CYP2C18: variants seen among roughly 807,000 people sequenced by gnomAD.
CYP2C18 encodes cytochrome P450 2C18.
In CYP2C18, 38 loss-of-function variants were observed where a neutral mutation model predicts 41.3. The ratio of observed to expected loss-of-function variants is 0.92; its 90% CI spans 0.71 to 1.21. The LOEUF (loss-of-function observed/expected upper bound fraction) is 1.21, where lower values mean the gene tolerates loss of function less well. Among genes scored for constraint, CYP2C18 ranks in the 50% most tolerant of loss-of-function variants. The pLI is 0.00. For synonymous variants in CYP2C18, 236 were observed against 210.0 expected (o/e 1.12, Z -1.07); for missense variants, 635 against 591.4 (o/e 1.07, Z -0.77).
At chr10:94,688,068 A>G in intron 2 of CYP2C18, 57 bp from the exon 3 acceptor site, 1 of 1,610,504 alleles carries the variant, frequency 6.2e-7, no homozygotes, top group Non-Finnish European at 8.5e-7. Context: ...GCCGAGTGTC[A>G]GCTCTCTTGT....
intron 6 of CYP2C18, among the ~76,000 whole-genome samples, chr10:94,721,048 G>A (rs185283706): frequency 6.6e-6 from 1 of 151,650 alleles, no homozygotes; most frequent in East Asian, 1.9e-4. Context: ...GAGTCTCACT[G>A]TGTCACCCAG....
intron 1 of CYP2C18, among the ~76,000 whole-genome samples, chr10:94,686,089 A>G (rs1026650232): frequency 6.6e-6 from 1 of 151,980 alleles, no homozygotes; most frequent in African/African-American, 2.4e-5. Context: ...TGTAGTTTTC[A>G]GTATATAGAT....
chr10:94,693,632 T>C (rs1847057394), intron 3 of CYP2C18, among the ~76,000 whole-genome samples: 1 of 152,124 alleles, frequency 6.6e-6, no homozygotes, highest in African/African-American at 2.4e-5. Flanking sequence ...TAATCCAAAA[T>C]TATCCCCTGC....
intron 3 of CYP2C18, among the ~76,000 whole-genome samples, chr10:94,693,219 C>T (rs1847045288): frequency 6.6e-6 from 1 of 152,100 alleles, no homozygotes; most frequent in Non-Finnish European, 1.5e-5. Context: ...GTGATTGGAT[C>T]ATGGGGGTGG....
At chr10:94,721,229 A>G (rs968820361) in intron 6 of CYP2C18, among the ~76,000 whole-genome samples, 1 of 151,906 alleles carries the variant, frequency 6.6e-6, no homozygotes, top group African/African-American at 2.4e-5. Context: ...TGGTCAGGCT[A>G]GGCTCAAACT....
chr10:94,728,088 A>G (rs1271451934), intron 7 of CYP2C18, among the ~76,000 whole-genome samples: 1 of 152,038 alleles, frequency 6.6e-6, no homozygotes, highest in Non-Finnish European at 1.5e-5. Context: ...CAAGCTTTTA[A>G]TTTGGTTATC....
chr10:94,724,446 G>T lies in CYP2C18; in HGVS notation c.1062G>T (p.Glu354Asp). 6.2e-7 allele frequency: 1 copy of T among 1,613,598 alleles called. No individual in the cohort carries two copies. Among genetic ancestry groups the T allele is most frequent in the Non-Finnish European group, 8.5e-7 (1 of 1,179,730 alleles). ...HMPYTDAVVH[E>D]IQRYIDLLPT... ...CCTACACAGATGCTGTGGTGCACGA[G>T]ATCCAGAGATACATTGACCTCCTCC... Residue 354 changes from glutamate to aspartate, a missense_variant, in exon 7 of 9, where the codon GAG (glutamate) becomes GAT (aspartate). By Grantham distance (45) the Glu-to-Asp change is conservative (BLOSUM62 2). Transcript: ENST00000285979.
At chr10:94,715,711 A>C (rs188954826) in intron 5 of CYP2C18, among the ~76,000 whole-genome samples, 21 of 152,260 alleles carry the variant, frequency 1.4e-4, no homozygotes, top group Admixed American at 1.2e-3. Flanking sequence ...TGCATTAGGG[A>C]GGATTCCCTC....
chr10:94,733,263 T>G (rs1336025521), intron 7 of CYP2C18, 34 bp from the exon 8 acceptor site: 1 of 1,601,680 alleles, frequency 6.2e-7, no homozygotes, highest in Non-Finnish European at 8.5e-7. Flanking sequence ...TTTGACTTCT[T>G]TATAACTTAG....
chr10:94,698,020 A>G (rs992923790), intron 4 of CYP2C18, among the ~76,000 whole-genome samples: 7 of 152,194 alleles, frequency 4.6e-5, no homozygotes, highest in African/African-American at 1.7e-4. Flanking sequence ...AGACTCCCAC[A>G]CAATAATAAT....
intron 3 of CYP2C18, among the ~76,000 whole-genome samples, chr10:94,689,982 G>A (rs2860837): frequency 0.17 from 25,343 of 151,940 alleles, 2,315 homozygotes; most frequent in South Asian, 0.33. Flanking sequence ...CCCCAATGAA[G>A]GCTCAGCCCC....
chr10:94,720,549 C>A lies in CYP2C18; in HGVS notation c.961+12C>A, dbSNP rs1317257782. The A allele has an allele frequency of 1.2e-6, 2 of 1,608,386 alleles. No homozygotes were observed. The highest frequency in any genetic ancestry group is 1.7e-5 in the Admixed American group (1 of 59,140). The stretch of plus-strand genomic sequence containing the variant: ...CCCAGAGGTCACAGGTATGATGATA[C>A]CATAGGTGAGCAGGGTGATTTTCAG... On this transcript the variant is annotated intron_variant, in intron 6 of 8. Transcript: ENST00000285979.
In CYP2C18 at chr10:94,687,800, G is replaced by A; in HGVS notation, c.199G>A (p.Val67Met). 6.2e-7 allele frequency: 1 copy of A among 1,613,614 alleles called. No individual in the cohort carries two copies. The highest frequency in any genetic ancestry group is 8.5e-7 in the Non-Finnish European group (1 of 1,179,670). The change falls in exon 2 of 9, where the codon GTG becomes ATG. Residue 67 changes from valine (V) to methionine (M), a missense_variant. Transcript: ENST00000285979. ...AAAAGTCTATGGCCCTGTGTTCACT[G>A]TGTATTTTGGCCTGAAGCCCATTGT... is the stretch of plus-strand genomic sequence containing the variant. ...FSKVYGPVFT[V>M]YFGLKPIVVL...
chr10:94,697,134 A>G lies in CYP2C18; in HGVS notation c.642+2057A>G, dbSNP rs182465140. ...AAATTCAGGAAATACAGAGAATGCC[A>G]CAAAGATACTCCTCGGGAAGAGCAA... On this transcript the variant is annotated intron_variant, in intron 4 of 8. Transcript: ENST00000285979. Among the ~76,000 whole-genome samples the G allele has an allele frequency of 1.1e-3, 170 of 152,338 alleles. 1 individual carries two copies. The highest frequency in any genetic ancestry group is 6.8e-3 in the Middle Eastern group (2 of 294).
intron 7 of CYP2C18, among the ~76,000 whole-genome samples, chr10:94,731,277 G>A (rs952393767): frequency 2.6e-5 from 4 of 152,112 alleles, no homozygotes; most frequent in African/African-American, 9.7e-5. Context: ...CTACTTGGGA[G>A]GCTGAGGCAG....
chr10:94,706,086 T>C (rs889150003), intron 4 of CYP2C18, among the ~76,000 whole-genome samples: 6 of 152,176 alleles, frequency 3.9e-5, no homozygotes, highest in Non-Finnish European at 8.8e-5. Flanking sequence ...CTGAATAGGA[T>C]AGGGGTGTTT....
At chr10:94,734,548 A>G (rs1847886975) in intron 8 of CYP2C18, among the ~76,000 whole-genome samples, 1 of 152,186 alleles carries the variant, frequency 6.6e-6, no homozygotes. Flanking sequence ...TAAAGAGGAA[A>G]TGACATGGGG....
At chr10:94,707,482 CA>C (rs778235498) in intron 5 of CYP2C18, among the ~76,000 whole-genome samples, 1 of 152,038 alleles carries the variant, frequency 6.6e-6, no homozygotes, top group Non-Finnish European at 1.5e-5. Flanking sequence ...TAAATCCGGA[CA>C]AATATGGAAT....
At chr10:94,719,463 G>A (rs1446303380) in intron 5 of CYP2C18, among the ~76,000 whole-genome samples, 1 of 151,706 alleles carries the variant, frequency 6.6e-6, no homozygotes, top group East Asian at 1.9e-4. Flanking sequence ...GAGTGCAGTG[G>A]CATGAACATG....
Sources: allele counts gnomAD v4.1 joint callset (sites outside exome capture counted in the v4.1 genomes callset), GRCh38; gene constraint gnomAD v4.1.1; transcripts MANE v1.5; gene names NCBI Gene and HGNC (gene_info 2026-07-23, HGNC 2026-07-21).